The following DMD variants were observed in gnomAD, a reference collection of about 807,000 sequenced individuals.
DMD encodes dystrophin.
DMD carries 63 observed loss-of-function variants against 330.1 expected under a neutral mutation model. That is an observed-to-expected ratio of 0.19 (90% confidence interval 0.16 to 0.24). The LOEUF (loss-of-function observed/expected upper bound fraction) is 0.24. DMD is among the 10% of genes least tolerant of loss of function. The pLI, the probability that DMD is intolerant of heterozygous loss-of-function variation, is 1.00. For synonymous variants in DMD, 1,223 were observed against 959.8 expected (o/e 1.27, Z -5.07); for missense variants, 3,344 against 2,684.1 (o/e 1.25, Z -5.43).
In DMD at chrX:32,448,120, G is replaced by A. The variant is rs1436298250; in HGVS notation, c.3786+336C>T. ...AATAAAGATCATTGTCTATAAATCT[G>A]GAGAAAATTTATAGGATTTTATGAC... is the stretch of plus-strand genomic sequence containing the variant. On this transcript the variant is annotated intron_variant, in intron 27 of 78. Coordinates refer to ENST00000357033, the MANE Select transcript of DMD (RefSeq NM_004006.3). Among the ~76,000 whole-genome samples the A allele has an allele frequency of 3.6e-5, 4 of 110,617 alleles. No individual in the cohort carries two copies. In the Admixed American group the frequency reaches 3.8e-4, roughly 11 times the overall value.
chrX:32,985,967 C>T (rs774832146), intron 2 of DMD, among the ~76,000 whole-genome samples: 6 of 111,552 alleles, frequency 5.4e-5, no homozygotes, highest in Admixed American at 3.8e-4. Context: ...GTCCAAGGAA[C>T]ATGCATCTTT....
At chrX:33,314,963 C>A (rs1170383227) in intron 1 of DMD, among the ~76,000 whole-genome samples, 1 of 110,839 alleles carries the variant, frequency 9.0e-6, no homozygotes, top group Admixed American at 9.6e-5. Context: ...GGATTACAGG[C>A]ATGCACCACC....
In DMD at chrX:32,667,058, C is replaced by T. The variant is rs551940710; in HGVS notation, c.961-21906G>A. On this transcript the variant is annotated intron_variant, in intron 9 of 78. Transcript: ENST00000357033. ...GGATAAATGATTAAAGACATTATGG[C>T]ATATATGCAATTGAATATTATTCAG... 3.4e-4 allele frequency among the ~76,000 whole-genome samples: 38 copies of T among 110,338 alleles called. No homozygotes were observed. The South Asian group carries it at 5.7e-3, about 17-fold the overall frequency.
intron 55 of DMD, among the ~76,000 whole-genome samples, chrX:31,573,256 C>G: frequency 9.0e-6 from 1 of 111,567 alleles, no homozygotes; most frequent in East Asian, 2.8e-4. Flanking sequence ...GCAAAATATT[C>G]GGAAACCATT....
intron 1 of DMD, among the ~76,000 whole-genome samples, chrX:33,035,770 A>G (rs2094194327): frequency 8.9e-6 from 1 of 111,936 alleles, no homozygotes; most frequent in African/African-American, 3.2e-5. Flanking sequence ...CAAGAAACAA[A>G]TCACTCCTTT....
chrX:31,351,159 T>TACACAC (rs3061695), intron 60 of DMD, among the ~76,000 whole-genome samples: 296 of 104,995 alleles, frequency 2.8e-3, no homozygotes, highest in East Asian at 0.026. Context: ...CATACATATA[T>TACACAC]ACACACACAC....
At chrX:33,099,579 C>A (rs763391517) in intron 1 of DMD, among the ~76,000 whole-genome samples, 6 of 111,530 alleles carry the variant, frequency 5.4e-5, no homozygotes, top group Non-Finnish European at 1.1e-4. Context: ...TTGTTCGTCA[C>A]TCCATATGAG....
intron 44 of DMD, among the ~76,000 whole-genome samples, chrX:32,181,354 T>G (rs1038175072): frequency 8.9e-6 from 1 of 112,034 alleles, no homozygotes; most frequent in Non-Finnish European, 1.9e-5. Flanking sequence ...TGAGAACTTT[T>G]TGAAACTGTA....
chrX:32,096,910 T>C (rs1199190661), intron 44 of DMD, among the ~76,000 whole-genome samples: 2 of 111,985 alleles, frequency 1.8e-5, no homozygotes, highest in Non-Finnish European at 3.8e-5. Context: ...TGTATTCAGG[T>C]ATTACTGTTT....
chrX:32,132,274 C>A (rs185514022), intron 44 of DMD, among the ~76,000 whole-genome samples: 312 of 112,026 alleles, frequency 2.8e-3, no homozygotes, highest in African/African-American at 9.5e-3. Flanking sequence ...AAGGAAGCAA[C>A]TGTCCATCAT....
chrX:33,170,068 C>A (rs967275215), intron 1 of DMD, among the ~76,000 whole-genome samples: 43 of 111,112 alleles, frequency 3.9e-4, no homozygotes, highest in African/African-American at 1.3e-3. Context: ...TTGGTAGACC[C>A]ATGAGGTTCC....
At chrX:31,229,250 A>G (rs1353696740) in intron 63 of DMD, among the ~76,000 whole-genome samples, 1 of 112,085 alleles carries the variant, frequency 8.9e-6, no homozygotes, top group Non-Finnish European at 1.9e-5. Context: ...AAGCATTCCA[A>G]AGATATTACA....
Position 33,211,392 on chromosome X carries a change from A to T in DMD, c.-80T>A. ...AACTTTATTGCTCCAGTAGGCTTAAAAACAATGAGAAACCAACAAACTTCA... is the reference window on the plus strand; with the variant it reads ...AACTTTATTGCTCCAGTAGGCTTAATAACAATGAGAAACCAACAAACTTCA... On this transcript the variant is annotated 5_prime_UTR_variant, in exon 1 of 79. Coordinates refer to ENST00000357033, the MANE Select transcript of DMD (RefSeq NM_004006.3). 1 of 1,177,893 alleles carries T rather than the reference A, an allele frequency of 8.5e-7. No individual in the cohort carries two copies. Among genetic ancestry groups the T allele is most frequent in the Non-Finnish European group, 1.1e-6 (1 of 877,649 alleles).
At chrX:31,187,716 TCAGAGAGAGAGAGAGAGAGAGAGAGAGA>T (rs1258037497) in intron 67 of DMD, among the ~76,000 whole-genome samples, 27 of 76,621 alleles carry the variant, frequency 3.5e-4, no homozygotes, top group African/African-American at 1.3e-3. Context: ...TCCCAGATTC[TCAGAGAGAGAGAGAGAGAGAGAGAGAGA>T]GAGAGAGAGA....
Position 31,260,946 on chromosome X carries a change from T to C in DMD, c.9286+9A>G, listed in dbSNP as rs1204013703. ...ATTTAACTTGGAGGAAACATGGCCA[T>C]GTCCTTACCTAAAGACTGGTAGAGC... On this transcript the variant is annotated intron_variant, in intron 63 of 78. Transcript: ENST00000357033. 5 of 1,205,442 alleles carry C rather than the reference T, an allele frequency of 4.1e-6. No individual in the cohort carries two copies. The South Asian group carries it at 5.3e-5, about 13-fold the overall frequency.
intron 1 of DMD, among the ~76,000 whole-genome samples, chrX:33,070,561 A>C (rs2094729934): frequency 9.3e-6 from 1 of 107,566 alleles, no homozygotes; most frequent in South Asian, 4.1e-4. Context: ...AAATTAAAAA[A>C]GAGTATTTTA....
At chrX:31,853,482 T>C (rs149855045) in intron 48 of DMD, among the ~76,000 whole-genome samples, 2,171 of 112,171 alleles carry the variant, frequency 0.019, 49 homozygotes, top group African/African-American at 0.066. Context: ...CTAGGCTTAT[T>C]AGCCCATGAG....
At chrX:31,949,164 G>A (rs1000073530) in intron 45 of DMD, among the ~76,000 whole-genome samples, 2 of 111,189 alleles carry the variant, frequency 1.8e-5, no homozygotes, top group Non-Finnish European at 3.8e-5. Flanking sequence ...TTTGTGCCAA[G>A]ATTGTGCAAT....
chrX:32,066,643 G>A (rs187403484), intron 44 of DMD, among the ~76,000 whole-genome samples: 2 of 111,215 alleles, frequency 1.8e-5, no homozygotes, highest in Non-Finnish European at 1.9e-5. Flanking sequence ...AGAGCAGGGC[G>A]TTTTTGTCTT....
Sources: allele counts gnomAD v4.1 joint callset (sites outside exome capture counted in the v4.1 genomes callset), GRCh38; gene constraint gnomAD v4.1.1; transcripts MANE v1.5; gene names NCBI Gene and HGNC (gene_info 2026-07-23, HGNC 2026-07-21).